The following DMD variants were observed in gnomAD, a reference collection of about 807,000 sequenced individuals.
DMD encodes the protein dystrophin, also known as mutant dystrophin.
In DMD, 63 loss-of-function variants were observed where a neutral mutation model predicts 330.1. The observed-to-expected ratio is 0.19, with a 90% CI of 0.16 to 0.24. The LOEUF is 0.24. Among genes scored for constraint, DMD ranks in the 10% least tolerant of loss-of-function variants. The probability of loss-of-function intolerance (pLI) is 1.00; values close to 1 mark genes in which losing one functional copy is unlikely to be tolerated. For synonymous variants in DMD, 1,223 were observed against 959.8 expected, an observed-to-expected ratio of 1.27 and a Z score of -5.07; for missense variants, 3,344 against 2,684.1, an observed-to-expected ratio of 1.25 and a Z score of -5.43.
intron 1 of DMD, among the ~76,000 whole-genome samples, chrX:33,124,476 GAAAAAAAAAAAA>G (rs56147804): frequency 3.6e-3 from 58 of 16,128 alleles, no homozygotes; most frequent in African/African-American, 0.015. Context: ...GACTCTGTCT[GAAAAAAAAAAAA>G]AAAAAAAAAA....
At chrX:32,730,558 T>G (rs1412642618) in intron 7 of DMD, among the ~76,000 whole-genome samples, 1 of 111,792 alleles carries the variant, frequency 8.9e-6, no homozygotes, top group Non-Finnish European at 1.9e-5. Flanking sequence ...GAATCACATT[T>G]TGGAAATAGT....
Position 31,341,910 on chromosome X carries a change from C to CACACGCATGT in DMD, c.9163+6645_9163+6646insACATGCGTGT, listed in dbSNP as rs1556527498. 3.9e-3 allele frequency among the ~76,000 whole-genome samples: 426 copies of CACACGCATGT among 110,596 alleles called. 3 individuals carry two copies. The highest frequency in any genetic ancestry group is 0.013 in the African/African-American group (403 of 30,318). ...GCGCGCGCACACACACACACACACA[C>CACACGCATGT]ACACACACACGCATGTACACACATA... is the stretch of plus-strand genomic sequence containing the variant. On this transcript the variant is annotated intron_variant, in intron 61 of 78. Coordinates refer to ENST00000357033, the MANE Select transcript of DMD (RefSeq NM_004006.3).
rs374993642 is a variant in DMD, at chrX:32,454,717, C to G, written c.3548G>C (p.Arg1183Thr). 19 of 1,197,265 alleles carry G rather than the reference C, an allele frequency of 1.6e-5. No individual in the cohort carries two copies. In the African/African-American group the frequency reaches 2.2e-4, roughly 14 times the overall value. ...MTQAEEEYLE[R>T]DFEYKTPDEL... ...ATCTGGAGTTTTATATTCAAAATCT[C>G]TCTCAAGATACTCTTCTTCAGCTTG... is the stretch of plus-strand genomic sequence containing the variant. The change falls in exon 26 of 79, where the codon AGA becomes ACA. Residue 1183 changes from arginine to threonine, a missense_variant. Coordinates refer to ENST00000357033, the MANE Select transcript of DMD (RefSeq NM_004006.3).
chrX:31,535,817 C>T (rs1006682814), intron 55 of DMD, among the ~76,000 whole-genome samples: 8 of 111,696 alleles, frequency 7.2e-5, no homozygotes, highest in African/African-American at 2.6e-4. Flanking sequence ...ATGAACATGA[C>T]AGACACTGTC....
chrX:32,921,507 T>C (rs2088396971), intron 2 of DMD, among the ~76,000 whole-genome samples: 1 of 111,532 alleles, frequency 9.0e-6, no homozygotes, highest in South Asian at 3.8e-4. Context: ...GATGTTCTCA[T>C]ACCTTCCTGA....
intron 25 of DMD, 39 bp downstream of exon 25, chrX:32,463,400 T>C (rs779375555): frequency 7.0e-6 from 8 of 1,140,074 alleles, no homozygotes; most frequent in South Asian, 2.3e-5. Flanking sequence ...CTTAGTTAAG[T>C]ACGTTGAGGC....
At chrX:31,605,359 A>G in intron 55 of DMD, among the ~76,000 whole-genome samples, 1 of 112,369 alleles carries the variant, frequency 8.9e-6, no homozygotes, top group Non-Finnish European at 1.9e-5. Flanking sequence ...ATTCAGGCTA[A>G]GACATGTGCT....
At chrX:33,127,563 GTCT>G (rs1457813841) in intron 1 of DMD, among the ~76,000 whole-genome samples, 1 of 110,433 alleles carries the variant, frequency 9.1e-6, no homozygotes, top group African/African-American at 3.3e-5. Flanking sequence ...TGTTATTTCC[GTCT>G]TCTTTGATTA....
intron 43 of DMD, among the ~76,000 whole-genome samples, chrX:32,271,162 A>G (rs1335623564): frequency 8.9e-6 from 1 of 111,970 alleles, no homozygotes; most frequent in African/African-American, 3.2e-5. Context: ...ATAATTTTGA[A>G]TATTACAGAA....
At chrX:31,568,315 T>C (rs1181389346) in intron 55 of DMD, among the ~76,000 whole-genome samples, 2 of 111,574 alleles carry the variant, frequency 1.8e-5, no homozygotes, top group African/African-American at 6.5e-5. Flanking sequence ...TACCCTTGCT[T>C]ATTTTCCATT....
chrX:31,251,338 A>C (rs2404509), intron 63 of DMD, among the ~76,000 whole-genome samples: 26,418 of 109,859 alleles, frequency 0.24, 2,498 homozygotes, highest in East Asian at 0.47. Flanking sequence ...GTAAAATATA[A>C]AAACAATCAC....
At chrX:31,879,811 A>G (rs988741014) in intron 47 of DMD, among the ~76,000 whole-genome samples, 1 of 112,358 alleles carries the variant, frequency 8.9e-6, no homozygotes, top group South Asian at 3.6e-4. Context: ...TAAGGTTTGT[A>G]TCAGATTCTA....
chrX:31,444,597 C>G lies in DMD; in HGVS notation c.8968G>C (p.Glu2990Gln). Residue 2990 changes from glutamate to glutamine, a missense_variant, in exon 60 of 79, where the codon GAG becomes CAG. Physicochemically the swap from Glu to Gln is conservative, Grantham distance 29. Coordinates refer to ENST00000357033, the MANE Select transcript of DMD (RefSeq NM_004006.3). ...AGGTCATTGACGTGGCTCACGTTCTCTTTCAGAGGCGCAATTTCTCCTCGA... is the reference window on the plus strand; with the variant it reads ...AGGTCATTGACGTGGCTCACGTTCTGTTTCAGAGGCGCAATTTCTCCTCGA... ...ALRGEIAPLK[E>Q]NVSHVNDLAR... The G allele has an allele frequency of 8.3e-7, 1 of 1,211,567 alleles. No individual in the cohort carries two copies. Among genetic ancestry groups the G allele is most frequent in the Non-Finnish European group, 1.1e-6 (1 of 895,503 alleles).
At chrX:32,538,247 A>C (rs2048174312) in intron 17 of DMD, among the ~76,000 whole-genome samples, 1 of 111,965 alleles carries the variant, frequency 8.9e-6, no homozygotes, top group Non-Finnish European at 1.9e-5. Flanking sequence ...GAAGAATCAC[A>C]AAAGAAGTGA....
At chrX:32,953,437 A>T (rs896396456) in intron 2 of DMD, among the ~76,000 whole-genome samples, 1 of 112,074 alleles carries the variant, frequency 8.9e-6, no homozygotes, top group Admixed American at 9.5e-5. Context: ...AAAGTGAATG[A>T]TTCTTTAAAA....
At chrX:32,406,132 T>C (rs2098115804) in intron 30 of DMD, among the ~76,000 whole-genome samples, 1 of 111,876 alleles carries the variant, frequency 8.9e-6, no homozygotes. Flanking sequence ...AAGTTGCTTA[T>C]CAGCTTAAGG....
chrX:32,221,850 C>T (rs2097133140), intron 43 of DMD, among the ~76,000 whole-genome samples: 1 of 112,053 alleles, frequency 8.9e-6, no homozygotes, highest in Non-Finnish European at 1.9e-5. Context: ...AGAATAATGG[C>T]ATCCAGCTCC....
At chrX:33,172,318 T>A (rs2049394178) in intron 1 of DMD, among the ~76,000 whole-genome samples, 1 of 111,784 alleles carries the variant, frequency 8.9e-6, no homozygotes, top group South Asian at 3.7e-4. Context: ...TTTTCAAAGA[T>A]ACCATAATAA....
chrX:32,070,933 C>T (rs1003572018), intron 44 of DMD, among the ~76,000 whole-genome samples: 9 of 111,289 alleles, frequency 8.1e-5, no homozygotes, highest in Non-Finnish European at 1.5e-4. Context: ...TTACTCATTG[C>T]AATAGTTTGC....
Sources: gnomAD v4.1 joint callset for allele counts (sites outside exome capture counted in the v4.1 genomes callset) on GRCh38, gnomAD v4.1.1 for gene constraint, MANE v1.5 for transcripts, NCBI Gene and HGNC (gene_info 2026-07-23, HGNC 2026-07-21) for gene names.